Variants in XCR1 observed in about 807,000 individuals in gnomAD.
The protein encoded by XCR1 is chemokine XC receptor 1.
For synonymous variants in XCR1, 187 were observed against 188.5 expected (o/e 0.99, Z 0.06); for missense variants, 356 against 424.2 (o/e 0.84, Z 1.41).
chr3:46,039,617 A>G lies in XCR1; in HGVS notation c.-32+14303T>C, dbSNP rs540999809. ...TCTGAAAAAGGCACTGACCCCTGCA[A>G]AATCTTGAGCATTAACACCATTTGA... On this transcript the variant is annotated intron_variant, in intron 5 of 5. Transcript: ENST00000683768. Among the ~76,000 whole-genome samples the G allele has an allele frequency of 1.3e-5, 2 of 152,314 alleles. 1 individual carries two copies. Among genetic ancestry groups the G allele is most frequent in the South Asian group, 4.1e-4 (2 of 4,828 alleles).
At chr3:46,047,299 G>A (rs181746392) in intron 5 of XCR1, among the ~76,000 whole-genome samples, 1 of 152,312 alleles carries the variant, frequency 6.6e-6, no homozygotes, top group Non-Finnish European at 1.5e-5. Flanking sequence ...TGCAAAGCAG[G>A]TGTGGCAGCC....
intron 5 of XCR1, among the ~76,000 whole-genome samples, chr3:46,047,259 G>A (rs1186858721): frequency 6.6e-6 from 1 of 152,216 alleles, no homozygotes; most frequent in Non-Finnish European, 1.5e-5. Flanking sequence ...GACACGATGA[G>A]TAAGCTAAGT....
intron 4 of XCR1, among the ~76,000 whole-genome samples, chr3:46,066,778 C>T (rs1037681624): frequency 6.6e-6 from 1 of 152,256 alleles, no homozygotes; most frequent in African/African-American, 2.4e-5. Context: ...CAGGTTCTAG[C>T]ATTCAGTGCC....
intron 1 of XCR1, among the ~76,000 whole-genome samples, chr3:46,022,612 A>G (rs958839001): frequency 6.6e-6 from 1 of 152,234 alleles, no homozygotes; most frequent in Non-Finnish European, 1.5e-5. Context: ...CTGAACTAAT[A>G]TTTCTTTAGA....
intron 1 of XCR1, among the ~76,000 whole-genome samples, chr3:46,077,531 A>T (rs1043741120): frequency 2.0e-5 from 3 of 152,106 alleles, no homozygotes; most frequent in Admixed American, 6.6e-5. Context: ...AATAGAAATA[A>T]AGTGCACAAT....
At chr3:46,042,560 A>C (rs1356959701) in intron 5 of XCR1, among the ~76,000 whole-genome samples, 1 of 152,188 alleles carries the variant, frequency 6.6e-6, no homozygotes, top group African/African-American at 2.4e-5. Context: ...AAGGCCAACA[A>C]ATTGGGTAAC....
chr3:46,023,208 A>G (rs1421572745), intron 1 of XCR1: 6 of 507,326 alleles, frequency 1.2e-5, no homozygotes, highest in South Asian at 2.8e-5. Flanking sequence ...CTCTGCGCCC[A>G]GAGAGGACGC....
chr3:46,079,709 A>C (rs1431755685), intron 1 of XCR1, among the ~76,000 whole-genome samples: 1 of 152,204 alleles, frequency 6.6e-6, no homozygotes, highest in Non-Finnish European at 1.5e-5. Flanking sequence ...CCCCTTGGAC[A>C]AAAACTGAAC....
chr3:46,053,072 C>T (rs1411728528), intron 5 of XCR1, among the ~76,000 whole-genome samples: 1 of 152,186 alleles, frequency 6.6e-6, no homozygotes, highest in Non-Finnish European at 1.5e-5. Flanking sequence ...CTGGTCTGCA[C>T]CCAGTTCTTG....
rs551291139 is a variant in XCR1, at chr3:46,022,704, T to G, written c.-31-726A>C. 5.9e-5 allele frequency among the ~76,000 whole-genome samples: 9 copies of G among 152,324 alleles called. No homozygotes were observed. In the East Asian group the frequency reaches 1.2e-3, roughly 20 times the overall value. On this transcript the variant is annotated intron_variant, in intron 1 of 1. Coordinates refer to ENST00000309285, the MANE Select transcript of XCR1 (RefSeq NM_001024644.2). ...TTTTTATTTATAAAACTTAAATGCT[T>G]GTTAAGACAAACACCAAATAACCAA...
chr3:46,028,479 T>C (rs1291693711), upstream of XCR1, among the ~76,000 whole-genome samples: 3 of 151,684 alleles, frequency 2.0e-5, no homozygotes, highest in African/African-American at 7.3e-5. Context: ...TTCTGGATAC[T>C]AGATCCTTAT....
At chr3:46,076,675 G>A (rs188889008) in intron 2 of XCR1, among the ~76,000 whole-genome samples, 62 of 152,136 alleles carry the variant, frequency 4.1e-4, no homozygotes, top group African/African-American at 1.2e-3. Context: ...TCCCTGGGAA[G>A]GAGGAAAGTT....
exon 4 of XCR1, among the ~76,000 whole-genome samples, chr3:46,066,958 T>C (rs1698088599): frequency 6.6e-6 from 1 of 151,478 alleles, no homozygotes; most frequent in Non-Finnish European, 1.5e-5. Flanking sequence ...ATGACAGTAG[T>C]GCAATGAGGA....
intron 1 of XCR1, chr3:46,023,546 T>G (rs1220149294): frequency 6.5e-7 from 1 of 1,538,342 alleles, no homozygotes. Context: ...GAGGAAAGAT[T>G]GAAAGCCTAG....
At chr3:46,057,907 T>G (rs1432569082) in intron 4 of XCR1, among the ~76,000 whole-genome samples, 1 of 145,940 alleles carries the variant, frequency 6.9e-6, no homozygotes, top group African/African-American at 2.7e-5. Flanking sequence ...TATCTATCTA[T>G]CTATCTATCT....
chr3:46,022,349 A>G (rs1354479319), intron 1 of XCR1: 1 of 165,742 alleles, frequency 6.0e-6, no homozygotes, highest in Admixed American at 5.7e-5. Flanking sequence ...CTCTTAGTTA[A>G]TTCTCTCCTG....
upstream of XCR1, among the ~76,000 whole-genome samples, chr3:46,028,037 G>A (rs1708330976): frequency 6.6e-6 from 1 of 152,150 alleles, no homozygotes; most frequent in African/African-American, 2.4e-5. Flanking sequence ...AAACCAATCA[G>A]CACGTATTTC....
intron 4 of XCR1, among the ~76,000 whole-genome samples, chr3:46,059,003 C>G (rs530950939): frequency 6.6e-6 from 1 of 152,154 alleles, no homozygotes; most frequent in Non-Finnish European, 1.5e-5. Flanking sequence ...TCTTTGCCAG[C>G]AGAAGCAGCC....
chr3:46,068,781 C>CAT (rs56276487), intron 3 of XCR1, among the ~76,000 whole-genome samples: 6 of 150,166 alleles, frequency 4.0e-5, no homozygotes, highest in African/African-American at 1.5e-4. Context: ...ACATCATGGA[C>CAT]GTGTGTGTGT....
Sources: gnomAD v4.1 joint callset for allele counts (sites outside exome capture counted in the v4.1 genomes callset) on GRCh38, gnomAD v4.1.1 for gene constraint, MANE v1.5 for transcripts, NCBI Gene and HGNC (gene_info 2026-07-23, HGNC 2026-07-21) for gene names.